GSAP: variants seen among roughly 807,000 people sequenced by gnomAD.
GSAP encodes gamma-secretase-activating protein.
In GSAP, 118 loss-of-function variants were observed where a neutral mutation model predicts 131.7. The ratio of observed to expected loss-of-function variants is 0.90; its 90% CI spans 0.77 to 1.04. The LOEUF (loss-of-function observed/expected upper bound fraction) is 1.04. Ranked by LOEUF, GSAP falls within the 50% of genes least tolerant of loss-of-function variation. The pLI, the probability that GSAP is intolerant of heterozygous loss-of-function variation, is 0.00. For synonymous variants in GSAP, 381 were observed against 363.4 expected, an observed-to-expected ratio of 1.05 and a Z score of -0.55; for missense variants, 1,019 against 1,013.2, an observed-to-expected ratio of 1.01 and a Z score of -0.08.
Position 77,377,400 on chromosome 7 carries a change from CAAAAAAAAAAA to C in GSAP, c.577-21_577-11del. 9 of 1,182,854 alleles carry C rather than the reference CAAAAAAAAAAA, an allele frequency of 7.6e-6. No homozygotes were observed. The South Asian group carries it at 9.0e-5, about 12-fold the overall frequency. The allele number at this position is 1,182,854 out of a possible 1,614,324, so 73.3% of individuals were successfully genotyped here. On this transcript the variant is annotated splice_polypyrimidine_tract_variant and intron_variant, in intron 8 of 30. Coordinates refer to ENST00000257626, the MANE Select transcript of GSAP (RefSeq NM_017439.4). ...CAGAATTTTTAATCACCTAAAAATGCAAAAAAAAAAAAAAAAAAAAAAGTATGAATAACTTT... is the reference window on the plus strand; with the variant it reads ...CAGAATTTTTAATCACCTAAAAATGCAAAAAAAAAAAGTATGAATAACTTT...
At chr7:77,348,465 T>G (rs1312110502) in intron 19 of GSAP, among the ~76,000 whole-genome samples, 2 of 152,036 alleles carry the variant, frequency 1.3e-5, no homozygotes, top group African/African-American at 2.4e-5. Flanking sequence ...TGAATCACTG[T>G]GACCTAAAAT....
intron 19 of GSAP, among the ~76,000 whole-genome samples, chr7:77,345,839 C>G (rs141666785): frequency 0.022 from 3,320 of 152,270 alleles, 129 homozygotes; most frequent in African/African-American, 0.077. Flanking sequence ...ATTGCTCACA[C>G]AAAGCCTGTT....
chr7:77,394,277 C>T (rs909956327), intron 5 of GSAP, among the ~76,000 whole-genome samples: 2 of 152,192 alleles, frequency 1.3e-5, no homozygotes, highest in Non-Finnish European at 2.9e-5. Flanking sequence ...TCAGTTCCTA[C>T]CACTCTGCCC....
At chr7:77,349,980 T>C (rs527440096) in intron 18 of GSAP, among the ~76,000 whole-genome samples, 30 of 152,200 alleles carry the variant, frequency 2.0e-4, no homozygotes, top group East Asian at 1.9e-3. Flanking sequence ...CGTATGTTTA[T>C]TGCGGCATTA....
intron 14 of GSAP, among the ~76,000 whole-genome samples, chr7:77,358,834 TGA>T (rs2150898945): frequency 6.6e-6 from 1 of 152,290 alleles, no homozygotes; most frequent in African/African-American, 2.4e-5. Context: ...ACAAAACACT[TGA>T]TAAAGTTTTA....
intron 6 of GSAP, among the ~76,000 whole-genome samples, chr7:77,385,236 G>A (rs781121253): frequency 6.6e-5 from 10 of 152,010 alleles, no homozygotes; most frequent in Admixed American, 2.0e-4. Flanking sequence ...GTTTTGCCAC[G>A]TTGGCCAGGC....
chr7:77,396,676 T>G (rs1415757535), intron 5 of GSAP, among the ~76,000 whole-genome samples: 1 of 152,180 alleles, frequency 6.6e-6, no homozygotes, highest in African/African-American at 2.4e-5. Context: ...TTCTTGACTT[T>G]CCCTATCTTT....
At chr7:77,355,467 G>A (rs372151474) in intron 15 of GSAP, 37 bp from the exon 16 acceptor site, 30 of 1,505,276 alleles carry the variant, frequency 2.0e-5, no homozygotes, top group Non-Finnish European at 2.5e-5. Context: ...TCAGCAAATA[G>A]AAGAAACTCC....
In GSAP at chr7:77,353,086, G is replaced by A. The variant is rs1408326464; in HGVS notation, c.1409-60C>T. On this transcript the variant is annotated intron_variant, in intron 17 of 30. Transcript: ENST00000257626. ...GATGTGGTTTAATAAGATGATGACA[G>A]CATTGTAATGCAACCAAAACACGCA... 5.7e-6 allele frequency: 5 copies of A among 874,998 alleles called. No individual in the cohort carries two copies. In the Admixed American group the frequency reaches 7.6e-5, roughly 13 times the overall value. The allele number at this position is 874,998 out of a possible 1,614,324, so 54.2% of individuals were successfully genotyped here.
At chr7:77,374,436 C>G (rs1185537462) in intron 11 of GSAP, among the ~76,000 whole-genome samples, 1 of 152,056 alleles carries the variant, frequency 6.6e-6, no homozygotes, top group Non-Finnish European at 1.5e-5. Flanking sequence ...TCAAAGTAAG[C>G]ACAGCTAAAT....
chr7:77,400,503 T>C (rs1266015667), intron 3 of GSAP, among the ~76,000 whole-genome samples: 1 of 152,130 alleles, frequency 6.6e-6, no homozygotes, highest in Non-Finnish European at 1.5e-5. Flanking sequence ...AAGACACTTC[T>C]CTCCACTGGG....
In GSAP at chr7:77,382,567, C is replaced by T. The variant is rs761751220; in HGVS notation, c.526+7G>A. ...AATTCCCATATTCCACCTAAAGATA[C>T]ACTTACATTTCTCTTCTGAAATCAG... On this transcript the variant is annotated splice_region_variant and intron_variant, in intron 7 of 30. Coordinates refer to ENST00000257626, the MANE Select transcript of GSAP (RefSeq NM_017439.4). 1 of 1,442,254 alleles carries T rather than the reference C, an allele frequency of 6.9e-7. No individual in the cohort carries two copies. The highest frequency in any genetic ancestry group is 9.8e-7 in the Non-Finnish European group (1 of 1,023,602). The allele number at this position is 1,442,254 out of a possible 1,614,324, so 89.3% of individuals were successfully genotyped here.
chr7:77,362,454 T>C (rs1794671382), intron 13 of GSAP, 129 bp downstream of exon 13: 2 of 615,580 alleles, frequency 3.2e-6, no homozygotes, highest in Non-Finnish European at 5.9e-6. Flanking sequence ...GCCACCGCAT[T>C]CCAGCCTGGG....
chr7:77,368,330 C>T (rs1795612596), intron 12 of GSAP, among the ~76,000 whole-genome samples: 1 of 152,234 alleles, frequency 6.6e-6, no homozygotes, highest in South Asian at 2.1e-4. Context: ...TTACGCTTCC[C>T]TGTGAGAGTG....
chr7:77,390,590 G>A (rs1799313235), intron 5 of GSAP, among the ~76,000 whole-genome samples: 1 of 152,002 alleles, frequency 6.6e-6, no homozygotes, highest in Non-Finnish European at 1.5e-5. Flanking sequence ...AGATCAGATA[G>A]TTGTAGATAT....
chr7:77,327,871 G>T (rs116238510), intron 22 of GSAP, among the ~76,000 whole-genome samples: 1 of 151,994 alleles, frequency 6.6e-6, no homozygotes, highest in Non-Finnish European at 1.5e-5. Flanking sequence ...CGCACCTATG[G>T]ATTATATAAT....
At position 77,353,615 on chromosome 7, in the gene GSAP, G is replaced by A; in HGVS notation, c.1365C>T (p.Val455=). ...TGAGGTCAAATGAATGGCAGGCAGAGACATTCTCAGAAATCCACTGAATAA... is the reference window on the plus strand; with the variant it reads ...TGAGGTCAAATGAATGGCAGGCAGAAACATTCTCAGAAATCCACTGAATAA... ...AQIIQWISEN[V]SACHSFDLIQ... Residue 455 remains valine (V), a synonymous_variant, in exon 17 of 31, where the codon GTC becomes GTT. Transcript: ENST00000257626. 2 of 1,610,130 alleles carry A rather than the reference G, an allele frequency of 1.2e-6. No individual in the cohort carries two copies. Among genetic ancestry groups the A allele is most frequent in the South Asian group, 1.1e-5 (1 of 90,934 alleles).
intron 13 of GSAP, among the ~76,000 whole-genome samples, chr7:77,361,406 C>T (rs1794502799): frequency 6.6e-6 from 1 of 152,142 alleles, no homozygotes. Context: ...TTATTTACTG[C>T]CTTTGATCAA....
chr7:77,353,600 T>C lies in GSAP; in HGVS notation c.1380A>G (p.Ser460=). Residue 460 remains serine, a synonymous_variant, in exon 17 of 31, where the codon TCA becomes TCG. Transcript: ENST00000257626. ...WISENVSACH[S]FDLIQEFIIA... Reference sequence around the variant, plus strand: ...TTATAAATTCCTGAATGAGGTCAAATGAATGGCAGGCAGAGACATTCTCAG... The same window carrying C: ...TTATAAATTCCTGAATGAGGTCAAACGAATGGCAGGCAGAGACATTCTCAG... The C allele has an allele frequency of 1.9e-6, 3 of 1,611,244 alleles. No homozygotes were observed. The highest frequency in any genetic ancestry group is 2.5e-6 in the Non-Finnish European group (3 of 1,177,888).
Sources: gnomAD v4.1 joint callset for allele counts (sites outside exome capture counted in the v4.1 genomes callset) on GRCh38, gnomAD v4.1.1 for gene constraint, MANE v1.5 for transcripts, NCBI Gene and HGNC (gene_info 2026-07-23, HGNC 2026-07-21) for gene names.